HERC1: variants seen among roughly 807,000 people sequenced by gnomAD.
HERC1 encodes probable E3 ubiquitin-protein ligase HERC1.
In HERC1, 160 loss-of-function variants were observed where a neutral mutation model predicts 554.3. That is an observed-to-expected ratio of 0.29 (90% CI 0.25 to 0.33). HERC1 has a LOEUF of 0.33. HERC1 is among the 10% of genes least tolerant of loss of function. The pLI is 1.00. For missense variants in HERC1, 4,919 were observed against 5,918.5 expected (o/e 0.83, Z 5.54); for synonymous variants, 2,175 against 2,131.7 (o/e 1.02, Z -0.56).
chr15:63,788,974 T>A (rs1365541968), intron 1 of HERC1, among the ~76,000 whole-genome samples: 1 of 151,586 alleles, frequency 6.6e-6, no homozygotes, highest in Non-Finnish European at 1.5e-5. Flanking sequence ...GCAAATCTAT[T>A]AACATTAACC....
chr15:63,616,221 G>C (rs1377123173), intron 75 of HERC1, among the ~76,000 whole-genome samples: 1 of 133,798 alleles, frequency 7.5e-6, no homozygotes, highest in South Asian at 2.3e-4. Context: ...AAAATTAAGG[G>C]GGAAGGAGCA....
At chr15:63,742,111 C>A (rs1196666710) in intron 12 of HERC1, among the ~76,000 whole-genome samples, 1 of 152,202 alleles carries the variant, frequency 6.6e-6, no homozygotes, top group Non-Finnish European at 1.5e-5. Flanking sequence ...GTCTTGCAAT[C>A]CATAAACATG....
intron 24 of HERC1, among the ~76,000 whole-genome samples, chr15:63,711,073 C>A (rs2073268688): frequency 6.6e-6 from 1 of 152,166 alleles, no homozygotes. Flanking sequence ...GTGGCTCACA[C>A]CTGTAATCCC....
Position 63,734,922 on chromosome 15 carries a change from C to A in HERC1, c.2521-73G>T. 9 of 1,278,790 alleles carry A rather than the reference C, an allele frequency of 7.0e-6. No homozygotes were observed. The highest frequency in any genetic ancestry group is 9.8e-6 in the Non-Finnish European group (9 of 914,996). 79.2% of individuals were successfully genotyped at this position (1,278,790 alleles called of 1,614,324 possible). ...TTAATAAAAACACACTTAAAGCGAACTCACTGACTACTAGGATCATGTAAG... is the reference window on the plus strand; with the variant it reads ...TTAATAAAAACACACTTAAAGCGAAATCACTGACTACTAGGATCATGTAAG... On this transcript the variant is annotated intron_variant, in intron 12 of 77. Transcript: ENST00000443617. The surrounding 1 kb of genome is among the most constrained non-coding windows in gnomAD (Gnocchi z 4.6).
intron 61 of HERC1, 44 bp downstream of exon 61, chr15:63,640,108 A>G: frequency 6.3e-7 from 1 of 1,583,900 alleles, no homozygotes; most frequent in Non-Finnish European, 8.6e-7. Flanking sequence ...AATACCCATG[A>G]TAAAATCTCA....
intron 1 of HERC1, among the ~76,000 whole-genome samples, chr15:63,819,418 A>C (rs1231019699): frequency 6.6e-6 from 1 of 152,216 alleles, no homozygotes; most frequent in African/African-American, 2.4e-5. Context: ...AATAAATGTA[A>C]GTTGTTATTC....
At chr15:63,701,029 G>A (rs908369587) in intron 25 of HERC1, among the ~76,000 whole-genome samples, 1 of 150,984 alleles carries the variant, frequency 6.6e-6, no homozygotes, top group Non-Finnish European at 1.5e-5. Flanking sequence ...TTTTTGGGGG[G>A]GTGTTTTTTT....
In HERC1 at chr15:63,666,518, C is replaced by T. The variant is rs748980137; in HGVS notation, c.8207-46G>A. On this transcript the variant is annotated intron_variant, in intron 40 of 77. Transcript: ENST00000443617. ...ATAAGAACCTAAATATCACTAGATA[C>T]CGTGAGTAAAAAGTGTCTTCATAGT... 15 of 1,231,500 alleles carry T rather than the reference C, an allele frequency of 1.2e-5. No homozygotes were observed. In the Admixed American group the frequency reaches 1.9e-4, roughly 15 times the overall value. The allele number at this position is 1,231,500 out of a possible 1,614,324, so 76.3% of individuals were successfully genotyped here.
chr15:63,644,652 G>A (rs2069238737), intron 57 of HERC1, among the ~76,000 whole-genome samples: 1 of 152,118 alleles, frequency 6.6e-6, no homozygotes, highest in African/African-American at 2.4e-5. Flanking sequence ...CAAGGATTCT[G>A]GCATCAGTTG....
At chr15:63,675,813 C>T (rs2071169310) in intron 37 of HERC1, among the ~76,000 whole-genome samples, 1 of 151,230 alleles carries the variant, frequency 6.6e-6, no homozygotes, top group Non-Finnish European at 1.5e-5. Flanking sequence ...TAACCTAAAT[C>T]TTGGTTCTAT....
chr15:63,716,384 C>G lies in HERC1; in HGVS notation c.4068G>C (p.Gln1356His), dbSNP rs565628550. The change falls in exon 22 of 78, where the codon CAG (glutamine) becomes CAC (histidine). Residue 1356 changes from glutamine (Q) to histidine (H), a missense_variant. Physicochemically the swap from Gln to His is conservative, Grantham distance 24. Coordinates refer to ENST00000443617, the MANE Select transcript of HERC1 (RefSeq NM_003922.4). ...TIDEEAEMEE[Q>H]AERDREEGHP... The stretch of plus-strand genomic sequence containing the variant: ...GCCCCTCTTCCCGGTCTCTCTCAGC[C>G]TGTTCTTCCATTTCAGCTTCTTCAT... 1.9e-6 allele frequency: 3 copies of G among 1,613,898 alleles called. No homozygotes were observed. The East Asian group carries it at 6.7e-5, about 36-fold the overall frequency.
Position 63,723,230 on chromosome 15 carries a change from G to A in HERC1, c.3694C>T (p.Pro1232Ser). The A allele has an allele frequency of 6.3e-7, 1 of 1,592,924 alleles. No individual in the cohort carries two copies. The stretch of plus-strand genomic sequence containing the variant: ...ATGCTGATCCAAAGGCTTCGGGCAG[G>A]CTCTTTAGAACAACCCAATGCCAAG... ...VDLALGCSKE[P>S]ARSLWISMQD... is the part of the protein sequence containing the mutation. Residue 1232 changes from proline to serine, a missense_variant, in exon 19 of 78, where the codon CCT (proline) becomes TCT (serine). Coordinates refer to ENST00000443617, the MANE Select transcript of HERC1 (RefSeq NM_003922.4).
intron 24 of HERC1, among the ~76,000 whole-genome samples, chr15:63,708,015 A>T (rs1276807900): frequency 7.2e-5 from 11 of 151,804 alleles, no homozygotes; most frequent in Admixed American, 7.2e-4. Context: ...CTGGTCATAT[A>T]TATAGATACA....
chr15:63,747,697 A>T, intron 11 of HERC1, 27 bp downstream of exon 11: 1 of 1,425,642 alleles, frequency 7.0e-7, no homozygotes, highest in Middle Eastern at 1.8e-4. Context: ...CACACACACA[A>T]AGATACAAAA....
intron 44 of HERC1, 31 bp from the exon 45 acceptor site, chr15:63,662,052 A>G (rs1458006966): frequency 6.3e-7 from 1 of 1,593,178 alleles, no homozygotes; most frequent in South Asian, 1.1e-5. Context: ...CCAAATGATT[A>G]GTCAATTTAA....
chr15:63,712,651 AAAGTT>A (rs2073360787), intron 24 of HERC1, 119 bp downstream of exon 24: 1 of 712,406 alleles, frequency 1.4e-6, no homozygotes, highest in African/African-American at 1.8e-5. Flanking sequence ...TATTTCTCTT[AAAGTT>A]ATTTTTGAAA....
intron 1 of HERC1, among the ~76,000 whole-genome samples, chr15:63,822,410 C>A (rs1596327918): frequency 6.6e-6 from 1 of 151,858 alleles, no homozygotes; most frequent in African/African-American, 2.4e-5. Context: ...ACATGGTGAA[C>A]CCCCATCTCT....
chr15:63,677,848 ATAG>A lies in HERC1; in HGVS notation c.7064_7066del (p.Thr2355del), dbSNP rs1955779545. ...AGTGTAACTCAACAGATCATACCTG[ATAG>A]TAATTTCTGCTTCATCCCATTGGAC... On this transcript the variant is annotated inframe_deletion, in exon 37 of 78. Coordinates refer to ENST00000443617, the MANE Select transcript of HERC1 (RefSeq NM_003922.4). This position sits in a 1 kb window ranked among gnomAD's most constrained non-coding sequence, Gnocchi z 4.4. 9.9e-6 allele frequency: 16 copies of A among 1,613,054 alleles called. No individual in the cohort carries two copies. The highest frequency in any genetic ancestry group is 1.3e-5 in the African/African-American group (1 of 74,938).
At chr15:63,714,680 C>T (rs1227064842) in intron 22 of HERC1, among the ~76,000 whole-genome samples, 1 of 151,140 alleles carries the variant, frequency 6.6e-6, no homozygotes, top group African/African-American at 2.4e-5. Flanking sequence ...TCCTGAGTAG[C>T]TGGTATTACA....
Sources: gnomAD v4.1 joint callset for allele counts (sites outside exome capture counted in the v4.1 genomes callset) on GRCh38, gnomAD v4.1.1 for gene constraint, Gnocchi (gnomAD v3.1) non-coding constraint, MANE v1.5 for transcripts, NCBI Gene and HGNC (gene_info 2026-07-23, HGNC 2026-07-21) for gene names.